Variants in PLXDC2 observed in about 807,000 individuals in gnomAD.
The protein encoded by PLXDC2 is plexin domain-containing protein 2.
In PLXDC2, 40 loss-of-function variants were observed where a neutral mutation model predicts 68.9. The observed-to-expected ratio is 0.58, with a 90% confidence interval of 0.45 to 0.76. The LOEUF is 0.76. Ranked by LOEUF, PLXDC2 falls within the 30% of genes least tolerant of loss-of-function variation. The pLI is 0.00. For missense variants in PLXDC2, 644 were observed against 661.9 expected, an observed-to-expected ratio of 0.97 and a Z score of 0.30; for synonymous variants, 243 against 234.2, an observed-to-expected ratio of 1.04 and a Z score of -0.34.
intron 1 of PLXDC2, among the ~76,000 whole-genome samples, chr10:19,826,607 G>T (rs1018668006): frequency 1.3e-5 from 2 of 152,124 alleles, no homozygotes; most frequent in East Asian, 1.9e-4. Flanking sequence ...ATATTACAAA[G>T]ATATTGCTCA....
Position 19,863,653 on chromosome 10 carries a change from G to A in PLXDC2, c.112+46462G>A, listed in dbSNP as rs529930354. 4.6e-5 allele frequency among the ~76,000 whole-genome samples: 7 copies of A among 152,270 alleles called. No individual in the cohort carries two copies. In the East Asian group the frequency reaches 1.4e-3, roughly 29 times the overall value. ...CCGAAAGAAACATGACATGCATGCC[G>A]TGGCTTAATTTCATATCATTTTAAT... On this transcript the variant is annotated intron_variant, in intron 1 of 13. Transcript: ENST00000377252.
intron 1 of PLXDC2, among the ~76,000 whole-genome samples, chr10:19,879,094 A>G (rs1199052754): frequency 1.3e-5 from 2 of 152,220 alleles, no homozygotes; most frequent in Admixed American, 1.3e-4. Context: ...ATCATTGCAG[A>G]ATCTAGGGAT....
chr10:20,253,046 A>G (rs965320315), intron 13 of PLXDC2, among the ~76,000 whole-genome samples: 17 of 152,002 alleles, frequency 1.1e-4, no homozygotes, highest in Non-Finnish European at 1.8e-4. Context: ...GTAAATAAAT[A>G]AAAAAAGACT....
chr10:19,965,965 A>G (rs1351401783), intron 1 of PLXDC2, among the ~76,000 whole-genome samples: 1 of 152,138 alleles, frequency 6.6e-6, no homozygotes, highest in Non-Finnish European at 1.5e-5. Flanking sequence ...AGGTATCAGT[A>G]AAGTGGGACA....
At chr10:20,142,194 T>A (rs1834015685) in intron 4 of PLXDC2, among the ~76,000 whole-genome samples, 1 of 152,108 alleles carries the variant, frequency 6.6e-6, no homozygotes, top group South Asian at 2.1e-4. Context: ...AAGTTTAACA[T>A]TTTTTGAGCT....
At chr10:19,846,870 A>G (rs1220170444) in intron 1 of PLXDC2, among the ~76,000 whole-genome samples, 1 of 152,070 alleles carries the variant, frequency 6.6e-6, no homozygotes, top group Non-Finnish European at 1.5e-5. Flanking sequence ...GGTTTAATGG[A>G]CTCACAGTTC....
intron 1 of PLXDC2, among the ~76,000 whole-genome samples, chr10:19,874,747 T>C (rs1353357994): frequency 6.6e-6 from 1 of 152,136 alleles, no homozygotes; most frequent in Non-Finnish European, 1.5e-5. Context: ...GTGATGTTAG[T>C]AGGTACAGTT....
chr10:19,976,401 G>C (rs1285097485), intron 1 of PLXDC2, among the ~76,000 whole-genome samples: 1 of 152,084 alleles, frequency 6.6e-6, no homozygotes, highest in Non-Finnish European at 1.5e-5. Flanking sequence ...TTTTAGTAGA[G>C]ATAGGGTTTC....
intron 1 of PLXDC2, among the ~76,000 whole-genome samples, chr10:19,946,384 G>C (rs756903340): frequency 2.0e-5 from 3 of 152,078 alleles, no homozygotes; most frequent in Admixed American, 6.6e-5. Flanking sequence ...GTTTGTAGTA[G>C]GAAGAATGAA....
At chr10:19,935,829 C>T (rs900274101) in intron 1 of PLXDC2, among the ~76,000 whole-genome samples, 12 of 152,076 alleles carry the variant, frequency 7.9e-5, no homozygotes, top group South Asian at 2.1e-4. Context: ...ACAACTTTGC[C>T]GGCAGACTAA....
chr10:20,224,118 C>T (rs1434221036), intron 12 of PLXDC2, among the ~76,000 whole-genome samples: 1 of 151,884 alleles, frequency 6.6e-6, no homozygotes, highest in Non-Finnish European at 1.5e-5. Context: ...GGATTACAGG[C>T]ACATGCCACC....
intron 3 of PLXDC2, among the ~76,000 whole-genome samples, chr10:20,057,961 TG>T (rs2131696056): frequency 6.6e-6 from 1 of 152,290 alleles, no homozygotes; most frequent in South Asian, 2.1e-4. Context: ...TGTTATTTTT[TG>T]TAACTATTCT....
intron 1 of PLXDC2, among the ~76,000 whole-genome samples, chr10:19,820,398 G>A (rs1450721551): frequency 4.6e-5 from 7 of 152,074 alleles, no homozygotes; most frequent in Non-Finnish European, 1.0e-4. Flanking sequence ...TTGGGAGGCC[G>A]AGGCGGGTGG....
chr10:20,144,671 G>A (rs1306018951), intron 5 of PLXDC2, among the ~76,000 whole-genome samples: 1 of 152,180 alleles, frequency 6.6e-6, no homozygotes, highest in Non-Finnish European at 1.5e-5. Context: ...CAAAACTGCA[G>A]CCAGAAACTT....
Position 20,143,476 on chromosome 10 carries a change from A to G in PLXDC2, c.664+59A>G. On this transcript the variant is annotated intron_variant, in intron 5 of 13. Coordinates refer to ENST00000377252, the MANE Select transcript of PLXDC2 (RefSeq NM_032812.9). ...TATATTTTTAAACCTCAAGCATCAG[A>G]TTCATGTTAATGTTTTTGTAAACTG... 2.5e-6 allele frequency: 4 copies of G among 1,595,942 alleles called. No homozygotes were observed. In the Middle Eastern group the frequency reaches 5.3e-4, roughly 210 times the overall value.
chr10:20,134,383 C>T (rs1833906913), intron 4 of PLXDC2, among the ~76,000 whole-genome samples: 1 of 152,190 alleles, frequency 6.6e-6, no homozygotes, highest in South Asian at 2.1e-4. Flanking sequence ...ATGTCCTTCA[C>T]CACTCAGTCC....
intron 1 of PLXDC2, among the ~76,000 whole-genome samples, chr10:19,973,666 C>A (rs1834399347): frequency 1.3e-5 from 2 of 152,104 alleles, no homozygotes; most frequent in Non-Finnish European, 2.9e-5. Flanking sequence ...AGTTATAATA[C>A]TGGAATTTTC....
At chr10:19,852,935 G>A (rs1037825800) in intron 1 of PLXDC2, among the ~76,000 whole-genome samples, 1 of 152,134 alleles carries the variant, frequency 6.6e-6, no homozygotes, top group African/African-American at 2.4e-5. Flanking sequence ...CAATAAAATA[G>A]GCAATATAAT....
At chr10:20,126,849 CAT>C (rs1269187829) in intron 4 of PLXDC2, among the ~76,000 whole-genome samples, 4 of 140,306 alleles carry the variant, frequency 2.9e-5, no homozygotes, top group Admixed American at 1.5e-4. Context: ...ATGATATATA[CAT>C]ATATGTTATG....
Sources: gnomAD v4.1 joint callset for allele counts (sites outside exome capture counted in the v4.1 genomes callset) on GRCh38, gnomAD v4.1.1 for gene constraint, MANE v1.5 for transcripts, NCBI Gene and HGNC (gene_info 2026-07-23, HGNC 2026-07-21) for gene names.